Variants in RRP15 observed in about 807,000 individuals in gnomAD.
The protein encoded by RRP15 is RRP15-like protein.
Under a neutral mutation model 27.1 loss-of-function variants are expected in RRP15, and 18 were observed. The ratio of observed to expected loss-of-function variants is 0.66; its 90% CI spans 0.46 to 0.98. RRP15 has a LOEUF of 0.98. Ranked by LOEUF, RRP15 falls within the 50% of genes least tolerant of loss-of-function variation. RRP15 has a pLI of 0.00. For synonymous variants in RRP15, 107 were observed against 109.4 expected, an observed-to-expected ratio of 0.98 and a Z score of 0.14; for missense variants, 359 against 337.8, an observed-to-expected ratio of 1.06 and a Z score of -0.49.
intron 4 of RRP15, among the ~76,000 whole-genome samples, chr1:218,322,918 GC>G (rs1656209885): frequency 6.6e-6 from 1 of 152,160 alleles, no homozygotes; most frequent in South Asian, 2.1e-4. Flanking sequence ...GTGGGGTCCT[GC>G]CACTGAACAC....
Position 218,289,208 on chromosome 1 carries a change from T to C in RRP15, c.139+3753T>C, listed in dbSNP as rs77833172. 6.4e-4 allele frequency among the ~76,000 whole-genome samples: 98 copies of C among 152,312 alleles called. No individual in the cohort carries two copies. In the East Asian group the frequency reaches 0.019, roughly 29 times the overall value. Reference sequence around the variant, plus strand: ...AAATAAGTTTTCCCACCTTTGGTAATGTGGTATTTGTAAGCTGGAGCTCTC... The same window carrying C: ...AAATAAGTTTTCCCACCTTTGGTAACGTGGTATTTGTAAGCTGGAGCTCTC... On this transcript the variant is annotated intron_variant, in intron 1 of 4. Transcript: ENST00000366932.
intron 1 of RRP15, among the ~76,000 whole-genome samples, chr1:218,286,434 C>G (rs1046655840): frequency 2.6e-5 from 4 of 152,174 alleles, no homozygotes; most frequent in Non-Finnish European, 5.9e-5. Context: ...CTTGGCATGT[C>G]TCTCCCTCAC....
intron 1 of RRP15, among the ~76,000 whole-genome samples, chr1:218,296,597 T>A (rs1655722371): frequency 6.6e-6 from 1 of 151,840 alleles, no homozygotes; most frequent in Non-Finnish European, 1.5e-5. Flanking sequence ...TGAGCTAAGA[T>A]TCTGTCACTA....
chr1:218,312,282 C>CTT (rs538218806), intron 4 of RRP15, among the ~76,000 whole-genome samples: 4 of 137,466 alleles, frequency 2.9e-5, no homozygotes, highest in African/African-American at 1.0e-4. Flanking sequence ...TTTCTTTTTT[C>CTT]TTTTTTTTTT....
Position 218,336,858 on chromosome 1 carries a change from C to T in RRP15, c.*5767C>T, listed in dbSNP as rs1379977947. The T allele has an allele frequency of 1.3e-5, 2 of 152,172 alleles. No individual in the cohort carries two copies. The highest frequency in any genetic ancestry group is 2.4e-5 in the African/African-American group (1 of 41,432). The allele number at this position is 152,172 out of a possible 1,614,324, so 9.4% of individuals were successfully genotyped here. The stretch of plus-strand genomic sequence containing the variant: ...CCAGGGTAGATTGCATGAGACATGA[C>T]TGCCGTATCTTGGTCCTTACTAGGA... On this transcript the variant is annotated 3_prime_UTR_variant, in exon 5 of 5. Transcript: ENST00000366932.
intron 4 of RRP15, among the ~76,000 whole-genome samples, chr1:218,313,359 A>G (rs1656033899): frequency 6.6e-6 from 1 of 152,162 alleles, no homozygotes; most frequent in Admixed American, 6.5e-5. Flanking sequence ...ATTTTAAGGT[A>G]TAGATTGACT....
intron 1 of RRP15, among the ~76,000 whole-genome samples, chr1:218,295,289 G>T (rs1655702124): frequency 6.6e-6 from 1 of 152,188 alleles, no homozygotes; most frequent in South Asian, 2.1e-4. Flanking sequence ...AGGTTCTTAA[G>T]ATTGTAGTCT....
chr1:218,326,875 T>C (rs1013164188), intron 4 of RRP15, among the ~76,000 whole-genome samples: 2 of 152,220 alleles, frequency 1.3e-5, no homozygotes, highest in Non-Finnish European at 2.9e-5. Context: ...ACTAAATGTT[T>C]CTCAAAGCAT....
In RRP15 at chr1:218,285,422, G is replaced by C; in HGVS notation, c.106G>C (p.Glu36Gln). The C allele has an allele frequency of 6.2e-7, 1 of 1,614,198 alleles. No individual in the cohort carries two copies. Among genetic ancestry groups the C allele is most frequent in the Non-Finnish European group, 8.5e-7 (1 of 1,180,034 alleles). ...AACTGGAGCCGTAGCGTCGGTGCTG[G>C]AAGACGAGGCCACAGACACTTCTGA... is the stretch of plus-strand genomic sequence containing the variant. ...MVTGAVASVL[E>Q]DEATDTSDSE... The change falls in exon 1 of 5, where the codon GAA becomes CAA. Residue 36 changes from glutamate to glutamine, a missense_variant. Glu to Gln is a conservative substitution (Grantham distance 29). Transcript: ENST00000366932.
At chr1:218,313,727 G>C (rs1571803171) in intron 4 of RRP15, among the ~76,000 whole-genome samples, 1 of 152,148 alleles carries the variant, frequency 6.6e-6, no homozygotes, top group Non-Finnish European at 1.5e-5. Context: ...TAGGGTTCCT[G>C]AATCTTTAAG....
At chr1:218,290,602 G>C (rs149781207) in intron 1 of RRP15, among the ~76,000 whole-genome samples, 50 of 152,230 alleles carry the variant, frequency 3.3e-4, no homozygotes, top group African/African-American at 1.2e-3. Context: ...GGATTAGCTG[G>C]GACTATAGGC....
chr1:218,298,729 G>T (rs1314244357), intron 1 of RRP15, among the ~76,000 whole-genome samples: 2 of 152,106 alleles, frequency 1.3e-5, no homozygotes, highest in South Asian at 2.1e-4. Context: ...TAAATTTAAG[G>T]TAATTAAAGA....
At chr1:218,323,172 C>A (rs1376368133) in intron 4 of RRP15, among the ~76,000 whole-genome samples, 2 of 152,206 alleles carry the variant, frequency 1.3e-5, no homozygotes, top group African/African-American at 4.8e-5. Context: ...GCTCTTCTCT[C>A]CTTCTTCTTT....
Position 218,300,920 on chromosome 1 carries a change from A to C in RRP15, c.140-1374A>C, listed in dbSNP as rs1349327578. On this transcript the variant is annotated intron_variant, in intron 1 of 4. Transcript: ENST00000366932. ...AGGTTCTGATCCGGGTGGGTGGAACAGAATTGAGTAAAGTAAGGAGCAGCA... is the reference window on the plus strand; with the variant it reads ...AGGTTCTGATCCGGGTGGGTGGAACCGAATTGAGTAAAGTAAGGAGCAGCA... Among the ~76,000 whole-genome samples, 3 of 152,244 alleles carry C rather than the reference A, an allele frequency of 2.0e-5. No individual in the cohort carries two copies. In the East Asian group the frequency reaches 5.8e-4, roughly 29 times the overall value.
At chr1:218,314,302 G>A (rs1571803481) in intron 4 of RRP15, among the ~76,000 whole-genome samples, 1 of 152,102 alleles carries the variant, frequency 6.6e-6, no homozygotes, top group Admixed American at 6.5e-5. Context: ...TTCAAAACAT[G>A]TTCTTATCTA....
rs1656463452 is a variant in RRP15, at chr1:218,337,257, C to T, written c.*6166C>T. ...CTCATCTATGTAATTCTGAGTCTTCCTTTTCTAGATAGAATTCCCCCCAAC... is the reference window on the plus strand; with the variant it reads ...CTCATCTATGTAATTCTGAGTCTTCTTTTTCTAGATAGAATTCCCCCCAAC... On this transcript the variant is annotated 3_prime_UTR_variant, in exon 5 of 5. Transcript: ENST00000366932. The T allele has an allele frequency of 6.6e-6, 1 of 152,098 alleles. No homozygotes were observed. Among genetic ancestry groups the T allele is most frequent in the African/African-American group, 2.4e-5 (1 of 41,420 alleles). The allele number at this position is 152,098 out of a possible 1,614,324, so 9.4% of individuals were successfully genotyped here.
chr1:218,321,804 G>A (rs1656191651), intron 4 of RRP15, among the ~76,000 whole-genome samples: 1 of 151,788 alleles, frequency 6.6e-6, no homozygotes, highest in South Asian at 2.1e-4. Context: ...TCCGATGAAT[G>A]ACACATTTAG....
At chr1:218,301,609 A>G (rs1655812099) in intron 1 of RRP15, 1 of 152,262 alleles carries the variant, frequency 6.6e-6, no homozygotes, top group Non-Finnish European at 1.5e-5. Context: ...TGGTACACTT[A>G]CACATTTGTA....
At chr1:218,296,643 C>CAA (rs200927255) in intron 1 of RRP15, among the ~76,000 whole-genome samples, 1,636 of 102,212 alleles carry the variant, frequency 0.016, 32 homozygotes, top group African/African-American at 0.054. Context: ...GACCTTGTCT[C>CAA]AAAAAAAAAA....
Sources: gnomAD v4.1 joint callset for allele counts (sites outside exome capture counted in the v4.1 genomes callset) on GRCh38, gnomAD v4.1.1 for gene constraint, MANE v1.5 for transcripts, NCBI Gene and HGNC (gene_info 2026-07-23, HGNC 2026-07-21) for gene names.